Variants in HS3ST4 observed in about 807,000 individuals in gnomAD.
HS3ST4 encodes the protein heparan sulfate glucosamine 3-O-sulfotransferase 4.
In HS3ST4, 17 loss-of-function variants were observed where a neutral mutation model predicts 29.2. That is an observed-to-expected ratio of 0.58 (90% CI 0.40 to 0.87). The LOEUF is 0.87. Among genes scored for constraint, HS3ST4 ranks in the 40% least tolerant of loss-of-function variants. HS3ST4 has a pLI of 0.00. For missense variants in HS3ST4, 627 were observed against 634.5 expected (o/e 0.99, Z 0.13); for synonymous variants, 314 against 285.7 (o/e 1.10, Z -1.00).
chr16:25,836,291 G>A lies in HS3ST4; in HGVS notation c.734+143140G>A, dbSNP rs73513348. ...TGACTGCACCACATGAAGATGGACT[G>A]GGGGCCAGGCAGTCTGTGTCGTAGA... On this transcript the variant is annotated intron_variant, in intron 1 of 1. Transcript: ENST00000331351. 4.0e-3 allele frequency among the ~76,000 whole-genome samples: 612 copies of A among 152,264 alleles called. 3 individuals are homozygous for A. The highest frequency in any genetic ancestry group is 0.014 in the African/African-American group (575 of 41,528).
At chr16:25,969,838 T>C (rs1411905755) in intron 1 of HS3ST4, among the ~76,000 whole-genome samples, 1 of 152,184 alleles carries the variant, frequency 6.6e-6, no homozygotes, top group African/African-American at 2.4e-5. Flanking sequence ...TTTCAGATCA[T>C]CCAGGAGCCT....
rs547573360 is a variant in HS3ST4 at position 25,817,865 on chromosome 16, T to C, written c.734+124714T>C. On this transcript the variant is annotated intron_variant, in intron 1 of 1. Transcript: ENST00000331351. The stretch of plus-strand genomic sequence containing the variant: ...AGGGATATAGATCCAGTTTTGCTTA[T>C]TGTGGTTCACAATCACATATTTGTT... Among the ~76,000 whole-genome samples the C allele has an allele frequency of 5.3e-5, 8 of 152,370 alleles. No individual in the cohort carries two copies. The South Asian group carries it at 1.0e-3, about 20-fold the overall frequency.
intron 1 of HS3ST4, among the ~76,000 whole-genome samples, chr16:25,862,786 C>G (rs940867740): frequency 6.6e-6 from 1 of 152,226 alleles, no homozygotes; most frequent in Non-Finnish European, 1.5e-5. Context: ...ATGACTTTCT[C>G]TCTTACAGAA....
At position 25,758,045 on chromosome 16, in the gene HS3ST4, T is replaced by C. The variant is rs146138570; in HGVS notation, c.734+64894T>C. ...GAGCCCCCAGAATAACTTGCAGCAT[T>C]ATCAGTCTGTCATAGAAAGATTCCT... On this transcript the variant is annotated intron_variant, in intron 1 of 1. Transcript: ENST00000331351. Among the ~76,000 whole-genome samples, 790 of 152,232 alleles carry C rather than the reference T, an allele frequency of 5.2e-3. 5 individuals carry two copies. Among genetic ancestry groups the C allele is most frequent in the Middle Eastern group, 0.031 (9 of 294 alleles).
chr16:25,873,348 A>G lies in HS3ST4; in HGVS notation c.734+180197A>G, dbSNP rs139377502. On this transcript the variant is annotated intron_variant, in intron 1 of 1. Coordinates refer to ENST00000331351, the MANE Select transcript of HS3ST4 (RefSeq NM_006040.3). Reference sequence around the variant, plus strand: ...CTTCCTTCCTTCCTTTCATCCATCTATCCATCCATCCACCTAGCAAGCCAT... The same window carrying G: ...CTTCCTTCCTTCCTTTCATCCATCTGTCCATCCATCCACCTAGCAAGCCAT... Among the ~76,000 whole-genome samples the G allele has an allele frequency of 2.6e-3, 380 of 148,440 alleles. 5 individuals are homozygous for G. Among genetic ancestry groups the G allele is most frequent in the African/African-American group, 8.8e-3 (354 of 40,316 alleles).
At chr16:26,016,531 G>A (rs1969363771) in intron 1 of HS3ST4, among the ~76,000 whole-genome samples, 1 of 152,194 alleles carries the variant, frequency 6.6e-6, no homozygotes, top group Admixed American at 6.6e-5. Context: ...TAAAGGGAAA[G>A]TGAGTCTCAG....
At chr16:25,733,503 T>A (rs1316448395) in intron 1 of HS3ST4, among the ~76,000 whole-genome samples, 1 of 152,188 alleles carries the variant, frequency 6.6e-6, no homozygotes, top group Non-Finnish European at 1.5e-5. Flanking sequence ...ATGACTCAAT[T>A]ATCTTGGTTC....
chr16:26,064,663 G>A (rs895562584), intron 1 of HS3ST4, among the ~76,000 whole-genome samples: 2 of 148,220 alleles, frequency 1.3e-5, no homozygotes, highest in African/African-American at 5.0e-5. Context: ...TGTTGCCTGG[G>A]CTGAAGTGCA....
At chr16:26,019,339 CA>C (rs1237189192) in intron 1 of HS3ST4, among the ~76,000 whole-genome samples, 1 of 151,996 alleles carries the variant, frequency 6.6e-6, no homozygotes, top group Non-Finnish European at 1.5e-5. Flanking sequence ...ATTATGTATG[CA>C]AAAATGGTAA....
chr16:26,102,654 C>T (rs1292835329), intron 1 of HS3ST4, among the ~76,000 whole-genome samples: 1 of 152,162 alleles, frequency 6.6e-6, no homozygotes, highest in Non-Finnish European at 1.5e-5. Flanking sequence ...TGCCTGCCAC[C>T]TCTCTTGTAT....
At chr16:26,114,676 G>A (rs1032378218) in intron 1 of HS3ST4, among the ~76,000 whole-genome samples, 3 of 152,120 alleles carry the variant, frequency 2.0e-5, no homozygotes, top group Admixed American at 6.5e-5. Flanking sequence ...GCTGAGTCCC[G>A]CAGGATGAGT....
intron 1 of HS3ST4, among the ~76,000 whole-genome samples, chr16:25,863,378 G>A (rs1305278574): frequency 6.6e-6 from 1 of 152,112 alleles, no homozygotes; most frequent in Non-Finnish European, 1.5e-5. Context: ...ACTGTGCCTG[G>A]CCGTGTTTGA....
rs1966870762 is a variant in HS3ST4, at chr16:25,792,204, T to G, written c.734+99053T>G. Among the ~76,000 whole-genome samples the G allele has an allele frequency of 2.6e-5, 4 of 152,060 alleles. No homozygotes were observed. The South Asian group carries it at 8.3e-4, about 32-fold the overall frequency. On this transcript the variant is annotated intron_variant, in intron 1 of 1. Transcript: ENST00000331351. ...TCACTTACTAGACATATTTTTAATT[T>G]CATTTAAAATTTGTTTATTCATGAA... is the stretch of plus-strand genomic sequence containing the variant.
At chr16:26,122,745 AT>A (rs369704690) in intron 1 of HS3ST4, among the ~76,000 whole-genome samples, 6 of 152,192 alleles carry the variant, frequency 3.9e-5, no homozygotes, top group African/African-American at 1.4e-4. Flanking sequence ...GCAACCAGTA[AT>A]AGTCATGTAG....
intron 1 of HS3ST4, among the ~76,000 whole-genome samples, chr16:26,067,517 C>T (rs2141774613): frequency 6.6e-6 from 1 of 152,186 alleles, no homozygotes; most frequent in African/African-American, 2.4e-5. Flanking sequence ...CCACCCCAGC[C>T]ACCCCTGTGC....
At chr16:25,803,440 A>C (rs1342459861) in intron 1 of HS3ST4, among the ~76,000 whole-genome samples, 2 of 152,148 alleles carry the variant, frequency 1.3e-5, no homozygotes, top group Non-Finnish European at 2.9e-5. Context: ...TGATCTGAGC[A>C]CTGGAGCCAG....
chr16:25,709,279 T>A (rs1966399749), intron 1 of HS3ST4, among the ~76,000 whole-genome samples: 1 of 152,110 alleles, frequency 6.6e-6, no homozygotes, highest in South Asian at 2.1e-4. Context: ...CTGGAAGTCT[T>A]TGCTGAAGAC....
intron 1 of HS3ST4, among the ~76,000 whole-genome samples, chr16:25,883,177 A>C (rs1360197618): frequency 7.0e-6 from 1 of 142,678 alleles, no homozygotes; most frequent in Admixed American, 7.1e-5. Context: ...TCAGACAAAA[A>C]TCTCATTCTC....
At chr16:25,969,460 G>T (rs576732850) in intron 1 of HS3ST4, among the ~76,000 whole-genome samples, 1 of 152,198 alleles carries the variant, frequency 6.6e-6, no homozygotes, top group East Asian at 1.9e-4. Context: ...GCTCGTGGGG[G>T]TGGAGGCACA....
Sources: gnomAD v4.1 joint callset for allele counts (sites outside exome capture counted in the v4.1 genomes callset) on GRCh38, gnomAD v4.1.1 for gene constraint, MANE v1.5 for transcripts, NCBI Gene and HGNC (gene_info 2026-07-23, HGNC 2026-07-21) for gene names.